SPTBN4: variants seen among roughly 807,000 people sequenced by gnomAD.
The protein encoded by SPTBN4 is spectrin beta chain, non-erythrocytic 4.
Under a neutral mutation model 277.8 loss-of-function variants are expected in SPTBN4, and 96 were observed. The ratio of observed to expected loss-of-function variants is 0.35; its 90% CI spans 0.29 to 0.41. The LOEUF is 0.41. Ranked by LOEUF, SPTBN4 falls within the 10% of genes least tolerant of loss-of-function variation. The pLI, the probability that SPTBN4 is intolerant of heterozygous loss-of-function variation, is 1.00. For missense variants in SPTBN4, 3,006 were observed against 3,595.7 expected, an observed-to-expected ratio of 0.84 and a Z score of 4.19; for synonymous variants, 1,481 against 1,580.3, an observed-to-expected ratio of 0.94 and a Z score of 1.49.
intron 22 of SPTBN4, among the ~76,000 whole-genome samples, chr19:40,552,958 T>C (rs1030124983): frequency 6.6e-6 from 1 of 152,268 alleles, no homozygotes; most frequent in Admixed American, 6.5e-5. Flanking sequence ...TGCTCCATAG[T>C]TTATCACCTT....
intron 21 of SPTBN4, 139 bp from the exon 22 acceptor site, chr19:40,550,099 A>C (rs1384534268): frequency 1.6e-6 from 1 of 643,256 alleles, no homozygotes; most frequent in South Asian, 2.1e-5. Context: ...AAAAAAACAA[A>C]AAATGGAGGA....
chr19:40,523,960 CGCTG>C (rs2080559553), intron 17 of SPTBN4, among the ~76,000 whole-genome samples: 1 of 152,104 alleles, frequency 6.6e-6, no homozygotes. Flanking sequence ...TGAGCCACCA[CGCTG>C]GCTAATTTTT....
intron 35 of SPTBN4, among the ~76,000 whole-genome samples, chr19:40,574,408 C>T (rs62107871): frequency 0.27 from 41,022 of 150,968 alleles, 5,727 homozygotes; most frequent in Middle Eastern, 0.31. Context: ...GTCACCCAGG[C>T]TGGAGTGCCA....
chr19:40,487,286 C>T (rs746360102), intron 2 of SPTBN4, among the ~76,000 whole-genome samples: 8 of 151,276 alleles, frequency 5.3e-5, no homozygotes, highest in Non-Finnish European at 8.8e-5. Flanking sequence ...GTGATCTGCC[C>T]GTCTCAGCCT....
chr19:40,573,695 C>CG (rs2081175271), intron 35 of SPTBN4, among the ~76,000 whole-genome samples: 1 of 151,772 alleles, frequency 6.6e-6, no homozygotes, highest in African/African-American at 2.4e-5. Flanking sequence ...CCCAGCTACT[C>CG]GGGAGGCTGA....
chr19:40,525,348 G>T (rs945885139), intron 17 of SPTBN4, among the ~76,000 whole-genome samples: 3 of 145,846 alleles, frequency 2.1e-5, no homozygotes, highest in Admixed American at 6.8e-5. Flanking sequence ...TTGAGACAGG[G>T]ATCTTACTCT....
At chr19:40,529,430 T>C (rs2080636831) in intron 18 of SPTBN4, among the ~76,000 whole-genome samples, 1 of 152,186 alleles carries the variant, frequency 6.6e-6, no homozygotes, top group African/African-American at 2.4e-5. Flanking sequence ...CTCCTGAGAT[T>C]TGTGAGAATC....
chr19:40,509,085 CTTT>C (rs35597606), intron 13 of SPTBN4, among the ~76,000 whole-genome samples: 5 of 100,258 alleles, frequency 5.0e-5, no homozygotes, highest in Non-Finnish European at 7.9e-5. Context: ...TTGTTTATTG[CTTT>C]TTTTTTTTTT....
In SPTBN4 at chr19:40,572,205, A is replaced by C; in HGVS notation, c.7493+13A>C. The C allele has an allele frequency of 6.3e-7, 1 of 1,594,288 alleles. No homozygotes were observed. Among genetic ancestry groups the C allele is most frequent in the Non-Finnish European group, 8.6e-7 (1 of 1,167,184 alleles). ...TCTTCAAGCTCCAGTGAGCCCCCCA[A>C]TGGGCAGGAGGGAGGGATCCAAGGC... On this transcript the variant is annotated intron_variant, in intron 34 of 35. Transcript: ENST00000598249.
Position 40,519,276 on chromosome 19 carries a change from A to T in SPTBN4, c.2904-125A>T. On this transcript the variant is annotated intron_variant, in intron 15 of 35. Coordinates refer to ENST00000598249, the MANE Select transcript of SPTBN4 (RefSeq NM_020971.3). This position sits in a 1 kb window ranked among gnomAD's most constrained non-coding sequence, Gnocchi z 5.7. Reference sequence around the variant, plus strand: ...TCCATTTTACACCGGCAGAAACTGGAGAAACTTTCTGAGGTCACACAGTGG... The same window carrying T: ...TCCATTTTACACCGGCAGAAACTGGTGAAACTTTCTGAGGTCACACAGTGG... The T allele has an allele frequency of 1.0e-6, 1 of 991,412 alleles. No homozygotes were observed. Among genetic ancestry groups the T allele is most frequent in the East Asian group, 3.2e-5 (1 of 31,634 alleles). The allele number at this position is 991,412 out of a possible 1,614,324, so 61.4% of individuals were successfully genotyped here. A position where few individuals can be genotyped will look rare whatever the true frequency, so the allele number is the denominator to read the frequency against.
chr19:40,501,854 T>C, intron 7 of SPTBN4, 67 bp from the exon 8 acceptor site: 2 of 1,359,244 alleles, frequency 1.5e-6, no homozygotes, highest in Non-Finnish European at 2.1e-6. Context: ...CATCCCTCCA[T>C]CCAATACCTT....
intron 13 of SPTBN4, among the ~76,000 whole-genome samples, chr19:40,509,309 G>A (rs997225618): frequency 2.0e-5 from 3 of 152,016 alleles, no homozygotes; most frequent in African/African-American, 7.2e-5. Context: ...GCAATGGCGC[G>A]ATCTCGGCTC....
intron 17 of SPTBN4, among the ~76,000 whole-genome samples, chr19:40,527,659 A>G (rs903861414): frequency 1.3e-5 from 2 of 152,354 alleles, no homozygotes; most frequent in South Asian, 4.1e-4. Context: ...GGCTTGCTCA[A>G]GGCACAGCGA....
intron 2 of SPTBN4, among the ~76,000 whole-genome samples, chr19:40,474,664 C>T (rs1160373370): frequency 6.6e-6 from 1 of 151,840 alleles, no homozygotes; most frequent in Admixed American, 6.6e-5. Context: ...CTTTGGGAGG[C>T]TGAGGCGGAT....
In SPTBN4 at chr19:40,554,383, G is replaced by T; in HGVS notation, c.4911G>T (p.Leu1637=). ...YFDVAEVEAW[L]GEQELLMMSE... is the part of the protein sequence containing the mutation. Reference sequence around the variant, plus strand: ...ACGTGGCTGAGGTGGAGGCGTGGCTGGGCGAGCAGGAGCTGCTCATGATGA... The same window carrying T: ...ACGTGGCTGAGGTGGAGGCGTGGCTTGGCGAGCAGGAGCTGCTCATGATGA... Residue 1637 remains leucine (L), a synonymous_variant, in exon 23 of 36, where the codon CTG becomes CTT. Transcript: ENST00000598249. The surrounding 1 kb of genome is among the most constrained non-coding windows in gnomAD (Gnocchi z 5.7). 1 of 1,589,130 alleles carries T rather than the reference G, an allele frequency of 6.3e-7. No individual in the cohort carries two copies.
intron 17 of SPTBN4, among the ~76,000 whole-genome samples, chr19:40,525,815 C>G (rs1020949195): frequency 1.3e-5 from 2 of 152,162 alleles, no homozygotes; most frequent in African/African-American, 4.8e-5. Flanking sequence ...GGTCAGGGCC[C>G]GGATGGGAGA....
intron 12 of SPTBN4, among the ~76,000 whole-genome samples, chr19:40,504,367 T>C (rs576311538): frequency 1.1e-4 from 17 of 151,104 alleles, no homozygotes; most frequent in African/African-American, 3.4e-4. Context: ...CAGAGACAAA[T>C]AGAGAGAAAT....
At chr19:40,497,729 C>G in intron 7 of SPTBN4, 125 bp downstream of exon 7, 1 of 752,898 alleles carries the variant, frequency 1.3e-6, no homozygotes, top group Admixed American at 2.3e-5. Context: ...CAAATCCCAA[C>G]TCTTTCCAAA....
intron 7 of SPTBN4, 138 bp downstream of exon 7, chr19:40,497,742 C>T: frequency 1.4e-6 from 1 of 693,440 alleles, no homozygotes; most frequent in Non-Finnish European, 2.5e-6. Context: ...TTTCCAAATC[C>T]CAACTGTCTC....
Sources: allele counts gnomAD v4.1 joint callset (sites outside exome capture counted in the v4.1 genomes callset), GRCh38; gene constraint gnomAD v4.1.1; non-coding constraint Gnocchi (gnomAD v3.1); transcripts MANE v1.5; gene names NCBI Gene and HGNC (gene_info 2026-07-23, HGNC 2026-07-21).